SASH1: variants seen among roughly 807,000 people sequenced by gnomAD.
SASH1 encodes the protein SAM and SH3 domain-containing protein 1.
SASH1 carries 44 observed loss-of-function variants against 125.2 expected under a neutral mutation model. The ratio of observed to expected loss-of-function variants is 0.35; its 90% CI spans 0.28 to 0.45. SASH1 has a LOEUF of 0.45. Among genes scored for constraint, SASH1 ranks in the 20% least tolerant of loss-of-function variants. The probability of loss-of-function intolerance (pLI) is 1.00; values close to 1 mark genes in which losing one functional copy is unlikely to be tolerated. For synonymous variants in SASH1, 639 were observed against 649.1 expected, an observed-to-expected ratio of 0.98 and a Z score of 0.24; for missense variants, 1,426 against 1,614.5, an observed-to-expected ratio of 0.88 and a Z score of 2.00.
At chr6:148,507,444 C>T (rs1414945792) in intron 8 of SASH1, among the ~76,000 whole-genome samples, 1 of 152,126 alleles carries the variant, frequency 6.6e-6, no homozygotes, top group Non-Finnish European at 1.5e-5. Flanking sequence ...GATCTTGGCT[C>T]ACTGCAGCCT....
At chr6:148,468,690 A>G (rs371887286) in intron 5 of SASH1, 105 bp downstream of exon 5, 43 of 713,484 alleles carry the variant, frequency 6.0e-5, no homozygotes, top group African/African-American at 4.2e-4. Flanking sequence ...CTACTCAGAA[A>G]TAAACACTGT....
At chr6:148,322,845 C>T (rs1295858997) in intron 1 of SASH1, among the ~76,000 whole-genome samples, 2 of 151,958 alleles carry the variant, frequency 1.3e-5, no homozygotes, top group Admixed American at 6.6e-5. Flanking sequence ...GGGTTTCATC[C>T]GTGACCACCC....
chr6:148,496,758 A>C (rs1001791387), intron 8 of SASH1, among the ~76,000 whole-genome samples: 3 of 152,186 alleles, frequency 2.0e-5, no homozygotes, highest in African/African-American at 7.2e-5. Flanking sequence ...CTGTAGTCCC[A>C]GCTACTCAGA....
chr6:148,368,777 C>CACACACACACACACACACAT (rs779992595), intron 1 of SASH1, among the ~76,000 whole-genome samples: 36 of 151,574 alleles, frequency 2.4e-4, no homozygotes, highest in Middle Eastern at 6.8e-3. Context: ...CGCGCACACA[C>CACACACACACACACACACAT]ACACACACAC....
chr6:148,471,810 CG>C (rs546393457), intron 6 of SASH1, among the ~76,000 whole-genome samples: 199 of 152,272 alleles, frequency 1.3e-3, no homozygotes, highest in Non-Finnish European at 2.1e-3. Context: ...ACTCTTCTCT[CG>C]TCAAGATCTA....
chr6:148,194,962 T>C, the SASH1 span, among the ~76,000 whole-genome samples: 6 of 152,242 alleles, frequency 3.9e-5, no homozygotes, highest in African/African-American at 1.4e-4. Flanking sequence ...TATAATGCTA[T>C]ATCTGAGCTG....
At chr6:148,307,471 C>T (rs1780177390) in intron 1 of SASH1, among the ~76,000 whole-genome samples, 1 of 152,176 alleles carries the variant, frequency 6.6e-6, no homozygotes, top group Non-Finnish European at 1.5e-5. Context: ...CCTAAAAGAG[C>T]TTACAGTATA....
At chr6:148,245,007 TG>T in the SASH1 span, among the ~76,000 whole-genome samples, 8 of 150,584 alleles carry the variant, frequency 5.3e-5, no homozygotes, top group Non-Finnish European at 8.9e-5. Flanking sequence ...AGCTGTATCT[TG>T]GTATTCCTTT....
chr6:148,230,456 G>A, the SASH1 span, among the ~76,000 whole-genome samples: 1 of 152,108 alleles, frequency 6.6e-6, no homozygotes, highest in African/African-American at 2.4e-5. Context: ...GGGACTAGAG[G>A]TGGGTGCCAC....
At chr6:148,359,881 C>G (rs1195449149) in intron 1 of SASH1, among the ~76,000 whole-genome samples, 3 of 152,180 alleles carry the variant, frequency 2.0e-5, no homozygotes, top group Non-Finnish European at 2.9e-5. Flanking sequence ...GCCTCAGCCT[C>G]CTGAGTAGCT....
At chr6:148,516,976 C>T (rs1147858) in intron 9 of SASH1, among the ~76,000 whole-genome samples, 125,042 of 152,094 alleles carry the variant, frequency 0.82, 51,690 homozygotes, top group African/African-American at 0.88. Flanking sequence ...CAATCTTTAA[C>T]CTAGGCTACA....
intron 8 of SASH1, among the ~76,000 whole-genome samples, chr6:148,490,465 C>G (rs906019659): frequency 1.3e-5 from 2 of 152,206 alleles, no homozygotes; most frequent in African/African-American, 4.8e-5. Context: ...ACCTCGGGCT[C>G]CCAAAATGCT....
the SASH1 span, among the ~76,000 whole-genome samples, chr6:148,201,857 G>C: frequency 2.6e-5 from 4 of 152,196 alleles, no homozygotes; most frequent in Admixed American, 6.5e-5. Flanking sequence ...GAACATAAAG[G>C]GTGGTGGGTT....
intron 3 of SASH1, 45 bp downstream of exon 3, chr6:148,440,279 T>C: frequency 1.2e-6 from 2 of 1,612,290 alleles, no homozygotes; most frequent in Non-Finnish European, 1.7e-6. Context: ...TCTGCCTTTT[T>C]TTTTTAAGTG....
chr6:148,512,926 A>T (rs1780231541), intron 8 of SASH1: 2 of 985,314 alleles, frequency 2.0e-6, no homozygotes, highest in South Asian at 4.7e-5. Context: ...GGGAGAAAGT[A>T]CCATGGCTCC....
intron 4 of SASH1, among the ~76,000 whole-genome samples, chr6:148,450,021 C>T (rs1008761171): frequency 7.2e-5 from 11 of 152,158 alleles, no homozygotes; most frequent in African/African-American, 2.7e-4. Flanking sequence ...CTGCTAGGCC[C>T]CACCTCCCAA....
chr6:148,213,953 T>G, the SASH1 span, among the ~76,000 whole-genome samples: 2 of 152,212 alleles, frequency 1.3e-5, no homozygotes, highest in South Asian at 2.1e-4. Context: ...CTCTGCTTGA[T>G]AGTTATGATA....
chr6:148,423,453 T>G (rs1157585480), intron 2 of SASH1, among the ~76,000 whole-genome samples: 2 of 152,204 alleles, frequency 1.3e-5, no homozygotes, highest in Non-Finnish European at 2.9e-5. Flanking sequence ...CACCACATGA[T>G]TTTACAATAG....
chr6:148,342,422 T>C (rs751588555), upstream of SASH1, among the ~76,000 whole-genome samples: 5 of 152,304 alleles, frequency 3.3e-5, no homozygotes, highest in Non-Finnish European at 7.4e-5. Context: ...AATAGCGTGA[T>C]TGGAAACTTG....
Sources: allele counts gnomAD v4.1 joint callset (sites outside exome capture counted in the v4.1 genomes callset), GRCh38; gene constraint gnomAD v4.1.1; transcripts MANE v1.5; gene names NCBI Gene and HGNC (gene_info 2026-07-23, HGNC 2026-07-21).